PCDHGB1: variants seen among roughly 807,000 people sequenced by gnomAD.
PCDHGB1 encodes protocadherin gamma-B1.
In PCDHGB1, 34 loss-of-function variants were observed where a neutral mutation model predicts 56.6. The ratio of observed to expected loss-of-function variants is 0.60; its 90% confidence interval spans 0.46 to 0.80. PCDHGB1 has a LOEUF of 0.80. Ranked by LOEUF, PCDHGB1 falls within the 30% of genes least tolerant of loss-of-function variation. The probability of loss-of-function intolerance (pLI) is 0.00; values close to 1 mark genes in which losing one functional copy is unlikely to be tolerated. For missense variants in PCDHGB1, 1,278 were observed against 1,204.6 expected, an observed-to-expected ratio of 1.06 and a Z score of -0.90; for synonymous variants, 561 against 505.9, an observed-to-expected ratio of 1.11 and a Z score of -1.46.
intron 1 of PCDHGB1, chr5:141,392,656 G>T: frequency 1.3e-6 from 1 of 748,568 alleles, no homozygotes; most frequent in South Asian, 2.2e-5. Context: ...ACCCGCAGAT[G>T]CCACAAACTA....
chr5:141,430,471 T>TA (rs759564776), intron 1 of PCDHGB1: 176 of 234,152 alleles, frequency 7.5e-4, no homozygotes, highest in Non-Finnish European at 1.1e-3. Context: ...TGGAGCTATT[T>TA]AAGATATAAA....
rs1219045744 is a variant in PCDHGB1 at position 141,476,783 on chromosome 5, G to T, written c.2410-18024G>T. The stretch of plus-strand genomic sequence containing the variant: ...GACGGCGTTGGACGGAGGGACCCCA[G>T]CTCTCTCCGCCAGCCTGCCTATTCA... On this transcript the variant is annotated intron_variant, in intron 1 of 3. Transcript: ENST00000523390. The surrounding 1 kb of genome is among the most constrained non-coding windows in gnomAD (Gnocchi z 7.6). 5 of 1,613,392 alleles carry T rather than the reference G, an allele frequency of 3.1e-6. No homozygotes were observed. The highest frequency in any genetic ancestry group is 2.7e-5 in the African/African-American group (2 of 74,930).
intron 1 of PCDHGB1, chr5:141,375,835 C>T (rs772317330): frequency 2.5e-5 from 40 of 1,613,984 alleles, no homozygotes; most frequent in Middle Eastern, 1.6e-4. Context: ...CCGCAGAGCC[C>T]GGCTACCTGG....
chr5:141,497,919 T>G (rs762168347), intron 2 of PCDHGB1, among the ~76,000 whole-genome samples: 11 of 152,206 alleles, frequency 7.2e-5, no homozygotes, highest in Non-Finnish European at 1.6e-4. Flanking sequence ...TCTCCTTCAT[T>G]CATTCAACAA....
intron 1 of PCDHGB1, chr5:141,410,134 C>G (rs573769764): frequency 6.2e-7 from 1 of 1,612,766 alleles, no homozygotes; most frequent in Admixed American, 1.7e-5. Context: ...GCCTGCTGGT[C>G]GCTGTGCGTG....
In PCDHGB1 at chr5:141,415,740, GTTTTTTTTTT is replaced by G. The variant is rs57426385; in HGVS notation, c.2409+63094_2409+63103del. The G allele has an allele frequency of 4.3e-3, 2,655 of 623,934 alleles. 2 individuals carry two copies. The highest frequency in any genetic ancestry group is 4.3e-3 in the Non-Finnish European group (2,016 of 468,394). The allele number at this position is 623,934 out of a possible 1,614,324, so 38.6% of individuals were successfully genotyped here. ...TGAGTAGAATTTGATGTTTATTAAG[GTTTTTTTTTT>G]TTTTTTTTTTTTTTTTTTTTTTACT... On this transcript the variant is annotated intron_variant, in intron 1 of 3. Coordinates refer to ENST00000523390, the MANE Select transcript of PCDHGB1 (RefSeq NM_018922.3).
At chr5:141,376,381 T>A in intron 1 of PCDHGB1, 2 of 1,613,972 alleles carry the variant, frequency 1.2e-6, no homozygotes, top group Non-Finnish European at 1.7e-6. Flanking sequence ...CGCGTAAGAG[T>A]CATCTGATTT....
chr5:141,492,579 G>T (rs547852117), intron 1 of PCDHGB1, among the ~76,000 whole-genome samples: 2 of 152,356 alleles, frequency 1.3e-5, no homozygotes, highest in East Asian at 1.9e-4. Context: ...GAGGCGCGGG[G>T]CCAGGAGCGC....
chr5:141,460,346 ATTTTC>A (rs1049715417), intron 1 of PCDHGB1, among the ~76,000 whole-genome samples: 6 of 151,964 alleles, frequency 3.9e-5, no homozygotes, highest in Non-Finnish European at 8.8e-5. Flanking sequence ...TTTCTCCTAT[ATTTTC>A]TTTTAGAAGT....
chr5:141,378,155 T>C (rs1471483193), intron 1 of PCDHGB1: 1 of 152,258 alleles, frequency 6.6e-6, no homozygotes, highest in Non-Finnish European at 1.5e-5. Flanking sequence ...AATTATTGGG[T>C]TGTTAACAAT....
intron 1 of PCDHGB1, chr5:141,415,323 G>C: frequency 1.9e-6 from 3 of 1,614,236 alleles, no homozygotes; most frequent in South Asian, 2.2e-5. Flanking sequence ...TCGTGCTGCT[G>C]GCGCACAGGC....
chr5:141,428,368 C>T, intron 1 of PCDHGB1: 1 of 545,002 alleles, frequency 1.8e-6, no homozygotes, highest in Non-Finnish European at 3.4e-6. Context: ...GGTCGCCTTG[C>T]ACCTGCGATG....
chr5:141,497,110 C>T (rs964183820), intron 2 of PCDHGB1, among the ~76,000 whole-genome samples: 2 of 151,738 alleles, frequency 1.3e-5, no homozygotes, highest in African/African-American at 2.4e-5. Context: ...TGCTTGAACC[C>T]GGAAGGCAGA....
intron 1 of PCDHGB1, among the ~76,000 whole-genome samples, chr5:141,444,472 C>T (rs559334960): frequency 2.1e-4 from 32 of 151,968 alleles, no homozygotes; most frequent in Admixed American, 1.5e-3. Flanking sequence ...CGCCCGGTCG[C>T]GTACTGGATT....
intron 1 of PCDHGB1, among the ~76,000 whole-genome samples, chr5:141,463,099 A>G (rs1445730117): frequency 1.4e-4 from 21 of 152,204 alleles, no homozygotes; most frequent in Admixed American, 1.4e-3. Context: ...CTATGTGACC[A>G]TCAAGAATTC....
At chr5:141,444,056 A>G (rs1055292734) in intron 1 of PCDHGB1, among the ~76,000 whole-genome samples, 7 of 151,740 alleles carry the variant, frequency 4.6e-5, no homozygotes, top group Non-Finnish European at 7.4e-5. Context: ...GGCATCTTCA[A>G]TCTAGATTCT....
chr5:141,427,974 G>T, intron 1 of PCDHGB1: 1 of 1,594,576 alleles, frequency 6.3e-7, no homozygotes, highest in South Asian at 1.1e-5. Flanking sequence ...GCTGTACCCC[G>T]CGCTGGGGCC....
intron 1 of PCDHGB1, chr5:141,405,534 C>T: frequency 3.1e-6 from 2 of 648,486 alleles, no homozygotes; most frequent in Non-Finnish European, 5.3e-6. Flanking sequence ...ATTCTCCTGC[C>T]TCAGCCTCCC....
At chr5:141,502,494 A>G (rs928571740) in intron 2 of PCDHGB1, among the ~76,000 whole-genome samples, 2 of 152,180 alleles carry the variant, frequency 1.3e-5, no homozygotes, top group South Asian at 2.1e-4. Context: ...GGACTCATCT[A>G]ACGTCGGCCT....
Sources: gnomAD v4.1 joint callset for allele counts (sites outside exome capture counted in the v4.1 genomes callset) on GRCh38, gnomAD v4.1.1 for gene constraint, Gnocchi (gnomAD v3.1) non-coding constraint, MANE v1.5 for transcripts, NCBI Gene and HGNC (gene_info 2026-07-23, HGNC 2026-07-21) for gene names.